CELF2: variants seen among roughly 807,000 people sequenced by gnomAD.
CELF2 encodes CUGBP Elav-like family member 2.
Under a neutral mutation model 62.6 loss-of-function variants are expected in CELF2, and 8 were observed. That is an observed-to-expected ratio of 0.13 (90% CI 0.07 to 0.23). CELF2 has a LOEUF of 0.23. Among genes scored for constraint, CELF2 ranks in the 10% least tolerant of loss-of-function variants. The probability of loss-of-function intolerance (pLI) is 1.00; values close to 1 mark genes in which losing one functional copy is unlikely to be tolerated. For missense variants in CELF2, 333 were observed against 671.0 expected, an observed-to-expected ratio of 0.50 and a Z score of 5.56; for synonymous variants, 258 against 250.0, an observed-to-expected ratio of 1.03 and a Z score of -0.30.
chr10:10,812,004 C>T (rs1384074360), intron 1 of CELF2, among the ~76,000 whole-genome samples: 3 of 152,080 alleles, frequency 2.0e-5, no homozygotes, highest in Admixed American at 6.5e-5. Context: ...CTATGCTGTC[C>T]AGTCCACAGT....
At chr10:10,625,267 A>G in the CELF2 span, among the ~76,000 whole-genome samples, 1 of 152,206 alleles carries the variant, frequency 6.6e-6, no homozygotes, top group African/African-American at 2.4e-5. Context: ...TCTAAGGGCA[A>G]TTCTAACTAT....
the CELF2 span, among the ~76,000 whole-genome samples, chr10:10,566,345 C>T: frequency 4.6e-5 from 7 of 151,256 alleles, no homozygotes; most frequent in African/African-American, 1.7e-4. Flanking sequence ...AGTGATTGTG[C>T]TGCTCTAGGT....
chr10:10,478,156 T>C, the CELF2 span, among the ~76,000 whole-genome samples: 12 of 152,188 alleles, frequency 7.9e-5, no homozygotes, highest in African/African-American at 2.7e-4. Context: ...TTAGGTTATG[T>C]GGCACAAAAA....
the CELF2 span, among the ~76,000 whole-genome samples, chr10:10,463,043 A>G: frequency 6.6e-6 from 1 of 152,028 alleles, no homozygotes; most frequent in African/African-American, 2.4e-5. Flanking sequence ...ACTTTTTTTT[A>G]AGGAATCCTA....
At chr10:10,649,565 G>T in the CELF2 span, among the ~76,000 whole-genome samples, 377 of 152,276 alleles carry the variant, frequency 2.5e-3, 3 homozygotes, top group Non-Finnish European at 4.3e-3. Flanking sequence ...AGACAACACA[G>T]CTTATCTTAG....
chr10:11,246,604 C>T lies in CELF2; in HGVS notation c.355-2549C>T, dbSNP rs1232462698. 6.6e-6 allele frequency among the ~76,000 whole-genome samples: 1 copy of T among 152,172 alleles called. No individual in the cohort carries two copies. The highest frequency in any genetic ancestry group is 1.5e-5 in the Non-Finnish European group (1 of 68,028). On this transcript the variant is annotated intron_variant, in intron 3 of 12. Transcript: ENST00000633077. This position sits in a 1 kb window ranked among gnomAD's most constrained non-coding sequence, Gnocchi z 4.6. ...GGCCTCTCACAGTGTTTGCTGTGGC[C>T]TGATTCTCCCTCATTCTGGAAACTC...
upstream of CELF2, among the ~76,000 whole-genome samples, chr10:11,002,144 G>C (rs998627147): frequency 4.6e-5 from 7 of 152,184 alleles, no homozygotes; most frequent in African/African-American, 1.2e-4. The surrounding 1 kb of genome is among the most constrained non-coding windows in gnomAD (Gnocchi z 4.4). Flanking sequence ...CATGGCGGAA[G>C]GCAAAAGTCA....
intron 1 of CELF2, among the ~76,000 whole-genome samples, chr10:10,882,538 C>G (rs536882951): frequency 3.3e-5 from 5 of 152,316 alleles, no homozygotes; most frequent in African/African-American, 1.2e-4. Context: ...TCATGAAACT[C>G]ATTTAATTAT....
chr10:10,575,388 A>G, the CELF2 span, among the ~76,000 whole-genome samples: 2 of 152,190 alleles, frequency 1.3e-5, no homozygotes, highest in East Asian at 3.9e-4. Context: ...CGTTTTATAT[A>G]AAGTACTCAC....
In CELF2 at chr10:11,331,008, T is replaced by G. The variant is rs1032394739; in HGVS notation, c.*1955T>G. ...TCACTTTCTCATTAAGATATATATA[T>G]AGAACCACTTTTTGTAGATTAGTAT... On this transcript the variant is annotated 3_prime_UTR_variant, in exon 13 of 13. Coordinates refer to ENST00000633077, the MANE Select transcript of CELF2 (RefSeq NM_001326342.2). 6.6e-6 allele frequency: 1 copy of G among 152,596 alleles called. No homozygotes were observed. The highest frequency in any genetic ancestry group is 3.2e-3 in the Middle Eastern group (1 of 316). The allele number at this position is 152,596 out of a possible 1,614,324, so 9.5% of individuals were successfully genotyped here.
chr10:11,245,661 T>C (rs1310809415), intron 3 of CELF2, among the ~76,000 whole-genome samples: 1 of 152,204 alleles, frequency 6.6e-6, no homozygotes, highest in Non-Finnish European at 1.5e-5. Context: ...AAGCCAATTC[T>C]CTGAGCAGCT....
the CELF2 span, among the ~76,000 whole-genome samples, chr10:10,581,788 G>A: frequency 9.2e-5 from 14 of 152,254 alleles, no homozygotes; most frequent in African/African-American, 3.1e-4. Flanking sequence ...CCAGCACTTT[G>A]GGAGGCCAAG....
rs1389083378 is a variant in CELF2, at chr10:10,997,336, T to C, written c.89+77337T>C. Among the ~76,000 whole-genome samples, 1 of 152,322 alleles carries C rather than the reference T, an allele frequency of 6.6e-6. No homozygotes were observed. The highest frequency in any genetic ancestry group is 1.9e-4 in the East Asian group (1 of 5,184). On this transcript the variant is annotated intron_variant, in intron 2 of 13. Coordinates refer to the CELF2 transcript ENST00000636488. This position sits in a 1 kb window ranked among gnomAD's most constrained non-coding sequence, Gnocchi z 5.3. ...ATAAAAAATGAAAAAGAGCTATGGA[T>C]GTGTTATGAGAATTTCAAACTCATC...
chr10:11,256,264 C>T (rs2078704029), intron 4 of CELF2, among the ~76,000 whole-genome samples: 1 of 152,204 alleles, frequency 6.6e-6, no homozygotes, highest in Non-Finnish European at 1.5e-5. Flanking sequence ...TCTGTGTCAA[C>T]AGCACTGTGG....
At chr10:10,944,304 T>G (rs539467018) in intron 2 of CELF2, 1 of 152,690 alleles carries the variant, frequency 6.5e-6, no homozygotes, top group Non-Finnish European at 1.5e-5. Flanking sequence ...GATTTGGGAG[T>G]TACTGGCAAA....
chr10:10,613,864 A>G, the CELF2 span, among the ~76,000 whole-genome samples: 1 of 152,172 alleles, frequency 6.6e-6, no homozygotes, highest in Non-Finnish European at 1.5e-5. Context: ...TAACCTCCCC[A>G]AAATTATTAT....
chr10:11,276,805 C>G (rs1156601556), intron 8 of CELF2, among the ~76,000 whole-genome samples: 2 of 152,210 alleles, frequency 1.3e-5, no homozygotes, highest in African/African-American at 2.4e-5. Context: ...GATGTGTGTG[C>G]CTGTGCCGCA....
At chr10:11,033,170 T>C (rs7090372) in intron 1 of CELF2, among the ~76,000 whole-genome samples, 120,097 of 151,960 alleles carry the variant, frequency 0.79, 49,921 homozygotes, top group Non-Finnish European at 0.91. Flanking sequence ...AATATCACTG[T>C]CCAGTGGTGA....
intron 8 of CELF2, among the ~76,000 whole-genome samples, chr10:11,284,672 G>A (rs1428843103): frequency 6.7e-6 from 1 of 149,514 alleles, no homozygotes; most frequent in Non-Finnish European, 1.5e-5. Context: ...TGAAGGATGT[G>A]TGAGTGTGTG....
Sources: allele counts gnomAD v4.1 joint callset (sites outside exome capture counted in the v4.1 genomes callset), GRCh38; gene constraint gnomAD v4.1.1; non-coding constraint Gnocchi (gnomAD v3.1); transcripts MANE v1.5; gene names NCBI Gene and HGNC (gene_info 2026-07-23, HGNC 2026-07-21).